The following NPTN variants were observed in gnomAD, a reference collection of about 807,000 sequenced individuals.
The protein encoded by NPTN is SDR-1.
Under a neutral mutation model 42.7 loss-of-function variants are expected in NPTN, and 5 were observed. The ratio of observed to expected loss-of-function variants is 0.12; its 90% CI spans 0.06 to 0.25. The LOEUF (loss-of-function observed/expected upper bound fraction) is 0.25. Ranked by LOEUF, NPTN falls within the 10% of genes least tolerant of loss-of-function variation. NPTN has a pLI of 1.00. For synonymous variants in NPTN, 180 were observed against 201.9 expected (o/e 0.89, Z 0.92); for missense variants, 307 against 525.4 (o/e 0.58, Z 4.06).
At chr15:73,563,878 C>T (rs1894831536) in intron 6 of NPTN, among the ~76,000 whole-genome samples, 1 of 152,126 alleles carries the variant, frequency 6.6e-6, no homozygotes, top group Non-Finnish European at 1.5e-5. Flanking sequence ...TGTATGTATA[C>T]CAGAGGATGT....
Position 73,569,282 on chromosome 15 carries a change from C to T in NPTN, c.1114+868G>A. The T allele has an allele frequency of 1.0e-6, 1 of 985,572 alleles. No individual in the cohort carries two copies. The highest frequency in any genetic ancestry group is 1.2e-6 in the Non-Finnish European group (1 of 830,048). The allele number at this position is 985,572 out of a possible 1,614,324, so 61.1% of individuals were successfully genotyped here. On this transcript the variant is annotated intron_variant, in intron 6 of 8. Transcript: ENST00000345330. This position sits in a 1 kb window ranked among gnomAD's most constrained non-coding sequence, Gnocchi z 4.1. ...ATACAAGTCTCCATCAGCAGCTTCC[C>T]CCTTCACAGGAAAAATCGATCACCA...
intron 1 of NPTN, among the ~76,000 whole-genome samples, chr15:73,613,536 A>G (rs1490894999): frequency 6.6e-6 from 1 of 152,160 alleles, no homozygotes; most frequent in African/African-American, 2.4e-5. Context: ...GTAATTTCAG[A>G]TTATCATATT....
At chr15:73,562,082 G>C (rs750454226) in intron 7 of NPTN, 112 bp from the exon 8 acceptor site, 3 of 777,772 alleles carry the variant, frequency 3.9e-6, no homozygotes, top group Non-Finnish European at 6.5e-6. Flanking sequence ...GGTGTAGTGA[G>C]AAATTTTGTG....
In NPTN at chr15:73,608,238, C is replaced by T. The variant is rs1280531416; in HGVS notation, c.92-10869G>A. ...CACAGGGATAAACTTTGTTCCTAAACAGATTTCAACCTTGCAAGACACAAG... is the reference window on the plus strand; with the variant it reads ...CACAGGGATAAACTTTGTTCCTAAATAGATTTCAACCTTGCAAGACACAAG... On this transcript the variant is annotated intron_variant, in intron 1 of 8. Transcript: ENST00000345330. Among the ~76,000 whole-genome samples the T allele has an allele frequency of 2.0e-5, 3 of 152,198 alleles. No individual in the cohort carries two copies. The East Asian group carries it at 5.8e-4, about 29-fold the overall frequency.
intron 1 of NPTN, among the ~76,000 whole-genome samples, chr15:73,618,033 A>G (rs16958079): frequency 0.55 from 82,967 of 152,110 alleles, 22,736 homozygotes; most frequent in African/African-American, 0.56. Flanking sequence ...ATGGGCAGAC[A>G]TTTCGTTTCA....
chr15:73,568,261 C>T (rs943584190), intron 6 of NPTN: 11 of 985,356 alleles, frequency 1.1e-5, no homozygotes, highest in South Asian at 9.4e-5. Flanking sequence ...CTGCTGGGAA[C>T]ACGCTAGGCT....
intron 4 of NPTN, among the ~76,000 whole-genome samples, chr15:73,581,456 G>T (rs192129668): frequency 2.0e-5 from 3 of 152,176 alleles, no homozygotes; most frequent in Non-Finnish European, 4.4e-5. Context: ...ATCCACTCAG[G>T]AATTCATTCA....
intron 1 of NPTN, among the ~76,000 whole-genome samples, chr15:73,629,639 T>C (rs1449332413): frequency 2.0e-5 from 3 of 152,134 alleles, no homozygotes; most frequent in Non-Finnish European, 2.9e-5. Context: ...TTTTCCTCCA[T>C]TGAACAGTGT....
chr15:73,565,530 A>G (rs1055330086), intron 6 of NPTN, among the ~76,000 whole-genome samples: 1 of 152,224 alleles, frequency 6.6e-6, no homozygotes. Flanking sequence ...AAGCATGCAT[A>G]TCGCTCACTT....
At chr15:73,561,566 G>A (rs1049354810) in intron 8 of NPTN, among the ~76,000 whole-genome samples, 38 of 152,104 alleles carry the variant, frequency 2.5e-4, no homozygotes, top group Non-Finnish European at 5.0e-4. Context: ...TGTAATCCCA[G>A]CTACTTAGGA....
At chr15:73,586,905 T>C (rs895041075) in intron 4 of NPTN, among the ~76,000 whole-genome samples, 11 of 152,226 alleles carry the variant, frequency 7.2e-5, no homozygotes, top group African/African-American at 2.7e-4. Flanking sequence ...GATGCTTCTT[T>C]GAAATAACTT....
At position 73,626,897 on chromosome 15, in the gene NPTN, G is replaced by C. The variant is rs191268463; in HGVS notation, c.91+6228C>G. On this transcript the variant is annotated intron_variant, in intron 1 of 8. Transcript: ENST00000345330. ...GTCTAGTAAATTTGAAGTAATACCTGGGTGACCGATGATTTTTAATAAGGC... is the reference window on the plus strand; with the variant it reads ...GTCTAGTAAATTTGAAGTAATACCTCGGTGACCGATGATTTTTAATAAGGC... Among the ~76,000 whole-genome samples, 447 of 152,154 alleles carry C rather than the reference G, an allele frequency of 2.9e-3. 1 individual carries two copies. Among genetic ancestry groups the C allele is most frequent in the Non-Finnish European group, 5.1e-3 (350 of 67,984 alleles).
Position 73,561,231 on chromosome 15 carries a change from T to C in NPTN, c.*15-183A>G, listed in dbSNP as rs190255722. ...TGCTGCTACCTGGCCATTCTTGTCT[T>C]GCCCCCAGACGTGAGGTAAGACTAG... On this transcript the variant is annotated intron_variant, in intron 8 of 8. Transcript: ENST00000345330. Among the ~76,000 whole-genome samples the C allele has an allele frequency of 2.6e-5, 4 of 152,336 alleles. No individual in the cohort carries two copies. The East Asian group carries it at 5.8e-4, about 22-fold the overall frequency.
At chr15:73,618,278 AT>A (rs1340598148) in intron 1 of NPTN, among the ~76,000 whole-genome samples, 2 of 152,210 alleles carry the variant, frequency 1.3e-5, no homozygotes, top group African/African-American at 4.8e-5. Context: ...GTTAAAAAAA[AT>A]ATATGTTAGA....
At chr15:73,613,309 A>G (rs948174643) in intron 1 of NPTN, among the ~76,000 whole-genome samples, 3 of 152,186 alleles carry the variant, frequency 2.0e-5, no homozygotes, top group African/African-American at 7.2e-5. Flanking sequence ...TATCTATTAA[A>G]ATTATAAATC....
chr15:73,601,835 G>A (rs1421136286), intron 1 of NPTN, among the ~76,000 whole-genome samples: 6 of 152,200 alleles, frequency 3.9e-5, no homozygotes, highest in Non-Finnish European at 5.9e-5. Flanking sequence ...GAGGGAGGAA[G>A]AGACTAGAAG....
At chr15:73,587,716 C>T (rs1896385407) in intron 3 of NPTN, 98 bp from the exon 4 acceptor site, 4 of 866,836 alleles carry the variant, frequency 4.6e-6, no homozygotes, top group African/African-American at 1.7e-5. Flanking sequence ...TCCTGCTCTC[C>T]GAACCCTTAA....
chr15:73,574,922 G>A (rs935498294), intron 4 of NPTN, among the ~76,000 whole-genome samples: 9 of 152,186 alleles, frequency 5.9e-5, no homozygotes, highest in Non-Finnish European at 1.2e-4. Context: ...TGAGATAAAA[G>A]CGAATTCTTT....
chr15:73,570,075 T>TC lies in NPTN; in HGVS notation c.1114+74dup, dbSNP rs1173543209. ...GGATTGAATCCCAACATCCCTATAG[T>TC]CCTCTTTGGGTACTTGGAAACCACC... is the stretch of plus-strand genomic sequence containing the variant. On this transcript the variant is annotated intron_variant, in intron 6 of 8. Coordinates refer to ENST00000345330, the MANE Select transcript of NPTN (RefSeq NM_012428.4). This position sits in a 1 kb window ranked among gnomAD's most constrained non-coding sequence, Gnocchi z 4.0. 1 of 1,454,402 alleles carries TC rather than the reference T, an allele frequency of 6.9e-7. No individual in the cohort carries two copies. Among genetic ancestry groups the TC allele is most frequent in the Non-Finnish European group, 9.3e-7 (1 of 1,077,140 alleles). 90.1% of individuals were successfully genotyped at this position (1,454,402 alleles called of 1,614,324 possible). A position where few individuals can be genotyped will look rare whatever the true frequency, so the allele number is the denominator to read the frequency against.
Sources: gnomAD v4.1 joint callset for allele counts (sites outside exome capture counted in the v4.1 genomes callset) on GRCh38, gnomAD v4.1.1 for gene constraint, Gnocchi (gnomAD v3.1) non-coding constraint, MANE v1.5 for transcripts, NCBI Gene and HGNC (gene_info 2026-07-23, HGNC 2026-07-21) for gene names.